Variants in OXNAD1 observed in about 807,000 individuals in gnomAD.
The protein encoded by OXNAD1 is oxidoreductase NAD-binding domain-containing protein 1.
Under a neutral mutation model 32.9 loss-of-function variants are expected in OXNAD1, and 34 were observed. That is an observed-to-expected ratio of 1.03 (90% confidence interval 0.79 to 1.38). The LOEUF (loss-of-function observed/expected upper bound fraction) is 1.38. Ranked by LOEUF, OXNAD1 falls within the 40% of genes most tolerant of loss-of-function variation. The pLI is 0.00. For synonymous variants in OXNAD1, 134 were observed against 135.2 expected (o/e 0.99, Z 0.06); for missense variants, 407 against 379.4 (o/e 1.07, Z -0.60).
At position 16,289,175 on chromosome 3, in the gene OXNAD1, G is replaced by C. The variant is rs2066267159; in HGVS notation, c.290+2727G>C. ...TTTTAGCTTTTGTTATTGCTAATAAGTATTTCATTCAGTTAGATCATATGT... is the reference window on the plus strand; with the variant it reads ...TTTTAGCTTTTGTTATTGCTAATAACTATTTCATTCAGTTAGATCATATGT... On this transcript the variant is annotated intron_variant, in intron 5 of 8. Transcript: ENST00000285083. The surrounding 1 kb of genome is among the most constrained non-coding windows in gnomAD (Gnocchi z 4.9). Among the ~76,000 whole-genome samples the C allele has an allele frequency of 3.3e-5, 5 of 152,216 alleles. No individual in the cohort carries two copies. Among genetic ancestry groups the C allele is most frequent in the Admixed American group, 3.3e-4 (5 of 15,284 alleles).
At chr3:16,292,013 C>T (rs1261093411) in intron 5 of OXNAD1, among the ~76,000 whole-genome samples, 1 of 151,964 alleles carries the variant, frequency 6.6e-6, no homozygotes, top group Non-Finnish European at 1.5e-5. Flanking sequence ...TGCTTATTAG[C>T]CATTTATATG....
rs578247385 is a variant in OXNAD1 at position 16,302,311 on chromosome 3, A to G, written c.676-329A>G. Among the ~76,000 whole-genome samples the G allele has an allele frequency of 2.0e-4, 30 of 152,368 alleles. No individual in the cohort carries two copies. Among genetic ancestry groups the G allele is most frequent in the African/African-American group, 6.0e-4 (25 of 41,584 alleles). The stretch of plus-strand genomic sequence containing the variant: ...TGGGGATTGCTTTGCAGCTGCAGGA[A>G]TGAACAAAAGAACAGAAACAGTTAA... On this transcript the variant is annotated intron_variant, in intron 7 of 8. Transcript: ENST00000285083. This position sits in a 1 kb window ranked among gnomAD's most constrained non-coding sequence, Gnocchi z 4.2.
intron 5 of OXNAD1, among the ~76,000 whole-genome samples, chr3:16,286,938 G>A (rs551349006): frequency 1.3e-5 from 2 of 152,170 alleles, no homozygotes; most frequent in African/African-American, 4.8e-5. Flanking sequence ...GACTGAATTT[G>A]TCTATCATAT....
rs2067318821 is a variant in OXNAD1, at chr3:16,303,356, G to A, written c.785-52G>A. ...AATTGTGGTTAGTCCTTCCTCATTT[G>A]CTGATACAACCATGTCTGGCTTAAT... On this transcript the variant is annotated intron_variant, in intron 8 of 8. Coordinates refer to ENST00000285083, the MANE Select transcript of OXNAD1 (RefSeq NM_138381.5). The surrounding 1 kb of genome is among the most constrained non-coding windows in gnomAD (Gnocchi z 4.8). 6.3e-7 allele frequency: 1 copy of A among 1,591,034 alleles called. No individual in the cohort carries two copies. Among genetic ancestry groups the A allele is most frequent in the East Asian group, 2.2e-5 (1 of 44,686 alleles).
rs895687201 is a variant in OXNAD1 at position 16,312,737 on chromosome 3, A to G, written c.*30+9145A>G. 6.6e-6 allele frequency among the ~76,000 whole-genome samples: 1 copy of G among 152,224 alleles called. No homozygotes were observed. The highest frequency in any genetic ancestry group is 1.5e-5 in the Non-Finnish European group (1 of 68,040). ...GGGCCATGATGAATATGTTTAGAGT[A>G]CTGATAAAATGTGCTTCATAAGAAA... is the stretch of plus-strand genomic sequence containing the variant. On this transcript the variant is annotated intron_variant, in intron 9 of 9. Transcript: ENST00000435829. The surrounding 1 kb of genome is among the most constrained non-coding windows in gnomAD (Gnocchi z 4.7).
At chr3:16,292,782 C>T (rs1219155823) in intron 5 of OXNAD1, among the ~76,000 whole-genome samples, 1 of 152,178 alleles carries the variant, frequency 6.6e-6, no homozygotes, top group African/African-American at 2.4e-5. Context: ...GTAGACTGTT[C>T]TTTTGCCATT....
At chr3:16,332,585 C>G (rs532831868) in intron 9 of OXNAD1, among the ~76,000 whole-genome samples, 1 of 152,232 alleles carries the variant, frequency 6.6e-6, no homozygotes, top group Admixed American at 6.5e-5. Context: ...AAACCAGTAC[C>G]CTGGTTTTCT....
chr3:16,311,219 AGTCTTGCTCT>A (rs1211471420), intron 9 of OXNAD1, among the ~76,000 whole-genome samples: 1 of 145,886 alleles, frequency 6.9e-6, no homozygotes, highest in Non-Finnish European at 1.5e-5. Context: ...TTTCAAACGG[AGTCTTGCTCT>A]GTCACCTAGG....
At position 16,303,344 on chromosome 3, in the gene OXNAD1, C is replaced by G. The variant is rs2067317581; in HGVS notation, c.785-64C>G. 1.9e-6 allele frequency: 3 copies of G among 1,559,218 alleles called. No homozygotes were observed. The highest frequency in any genetic ancestry group is 2.6e-6 in the Non-Finnish European group (3 of 1,137,954). ...ACACTGTATCTGAATTGTGGTTAGTCCTTCCTCATTTGCTGATACAACCAT... is the reference window on the plus strand; with the variant it reads ...ACACTGTATCTGAATTGTGGTTAGTGCTTCCTCATTTGCTGATACAACCAT... On this transcript the variant is annotated intron_variant, in intron 8 of 8. Coordinates refer to ENST00000285083, the MANE Select transcript of OXNAD1 (RefSeq NM_138381.5). The surrounding 1 kb of genome is among the most constrained non-coding windows in gnomAD (Gnocchi z 4.8).
chr3:16,311,450 A>G (rs1393213776), intron 9 of OXNAD1, among the ~76,000 whole-genome samples: 7 of 152,170 alleles, frequency 4.6e-5, no homozygotes, highest in Non-Finnish European at 8.8e-5. Flanking sequence ...TAAGAAAGGT[A>G]TAAAGACTTC....
intron 5 of OXNAD1, among the ~76,000 whole-genome samples, chr3:16,294,056 C>T (rs2066599964): frequency 6.6e-6 from 1 of 152,166 alleles, no homozygotes; most frequent in African/African-American, 2.4e-5. Context: ...ATGTCTTTGT[C>T]TGGCTTTGGT....
chr3:16,337,740 C>CAA (rs5846920), downstream of OXNAD1, among the ~76,000 whole-genome samples: 31 of 95,158 alleles, frequency 3.3e-4, no homozygotes, highest in East Asian at 1.0e-3. This position sits in a 1 kb window ranked among gnomAD's most constrained non-coding sequence, Gnocchi z 5.0. Context: ...GACTCCATCT[C>CAA]AAAAAAAAAA....
chr3:16,350,235 CTTTG>C (rs1324799023), exon 10 of OXNAD1: 1 of 152,106 alleles, frequency 6.6e-6, no homozygotes, highest in Non-Finnish European at 1.5e-5. Flanking sequence ...ATATATTATC[CTTTG>C]TTTAACCATT....
At position 16,265,890 on chromosome 3, in the gene OXNAD1, A is replaced by G; in HGVS notation, c.-159+385A>G. 1 of 985,372 alleles carries G rather than the reference A, an allele frequency of 1.0e-6. No homozygotes were observed. The allele number at this position is 985,372 out of a possible 1,614,324, so 61.0% of individuals were successfully genotyped here. ...TACCAGTTTTTTCGTTGTGAAAGAAATGGTGTCAGTAGGCAGGTTTATCAG... is the reference window on the plus strand; with the variant it reads ...TACCAGTTTTTTCGTTGTGAAAGAAGTGGTGTCAGTAGGCAGGTTTATCAG... On this transcript the variant is annotated intron_variant, in intron 1 of 8. Transcript: ENST00000285083. The surrounding 1 kb of genome is among the most constrained non-coding windows in gnomAD (Gnocchi z 4.8).
chr3:16,317,973 A>G lies in OXNAD1; in HGVS notation c.*30+14381A>G, dbSNP rs1476503027. Among the ~76,000 whole-genome samples the G allele has an allele frequency of 6.6e-6, 1 of 152,188 alleles. No homozygotes were observed. The highest frequency in any genetic ancestry group is 1.5e-5 in the Non-Finnish European group (1 of 68,030). On this transcript the variant is annotated intron_variant, in intron 9 of 9. Transcript: ENST00000435829. This position sits in a 1 kb window ranked among gnomAD's most constrained non-coding sequence, Gnocchi z 4.3. ...TCTCCCTCTGCCCGCTACTGTACCG[A>G]CAAGTGTTCTAAGGTAACTCCCTCT... is the stretch of plus-strand genomic sequence containing the variant.
At position 16,345,597 on chromosome 3, in the gene OXNAD1, G is replaced by A. The variant is rs184638996; in HGVS notation, c.*31-3579G>A. ...ACCGCCTGACTGCTTGAACAGGAAC[G>A]TCCATCTTCTGCCCTTGTTGCTCCT... On this transcript the variant is annotated intron_variant, in intron 9 of 9. Coordinates refer to the OXNAD1 transcript ENST00000606098. The surrounding 1 kb of genome is among the most constrained non-coding windows in gnomAD (Gnocchi z 5.2). 1.1e-3 allele frequency among the ~76,000 whole-genome samples: 168 copies of A among 152,140 alleles called. No homozygotes were observed. Among genetic ancestry groups the A allele is most frequent in the African/African-American group, 3.9e-3 (160 of 41,508 alleles).
Position 16,280,835 on chromosome 3 carries a change from CAT to C in OXNAD1, c.184-5506_184-5505del, listed in dbSNP as rs1290406354. On this transcript the variant is annotated intron_variant, in intron 4 of 8. Coordinates refer to ENST00000285083, the MANE Select transcript of OXNAD1 (RefSeq NM_138381.5). This position sits in a 1 kb window ranked among gnomAD's most constrained non-coding sequence, Gnocchi z 4.5. ...ATGCTGACTCTGCCTCAGCATTAAA[CAT>C]GTGTACTGGTAAAGTTGGCAAATGT... Among the ~76,000 whole-genome samples, 5 of 152,182 alleles carry C rather than the reference CAT, an allele frequency of 3.3e-5. No homozygotes were observed. The highest frequency in any genetic ancestry group is 7.3e-5 in the Non-Finnish European group (5 of 68,032).
At chr3:16,308,298 G>A (rs541927640), downstream of OXNAD1, among the ~76,000 whole-genome samples, 2 of 152,164 alleles carry the variant, frequency 1.3e-5, no homozygotes, top group Non-Finnish European at 2.9e-5. The surrounding 1 kb of genome is among the most constrained non-coding windows in gnomAD (Gnocchi z 4.4). Flanking sequence ...GTGAGTCACT[G>A]GAATGATGGA....
Position 16,298,085 on chromosome 3 carries a change from A to T in OXNAD1, c.432+3088A>T, listed in dbSNP as rs2066924941. 6.6e-6 allele frequency among the ~76,000 whole-genome samples: 1 copy of T among 152,148 alleles called. No homozygotes were observed. Among genetic ancestry groups the T allele is most frequent in the African/African-American group, 2.4e-5 (1 of 41,424 alleles). ...ATAACCCCCAGATGCCTGTGTAGGC[A>T]TTTCCATTGTAAATGTATCCTGTCA... is the stretch of plus-strand genomic sequence containing the variant. On this transcript the variant is annotated intron_variant, in intron 6 of 8. Transcript: ENST00000285083. The surrounding 1 kb of genome is among the most constrained non-coding windows in gnomAD (Gnocchi z 5.1).
Sources: gnomAD v4.1 joint callset for allele counts (sites outside exome capture counted in the v4.1 genomes callset) on GRCh38, gnomAD v4.1.1 for gene constraint, Gnocchi (gnomAD v3.1) non-coding constraint, MANE v1.5 for transcripts, NCBI Gene and HGNC (gene_info 2026-07-23, HGNC 2026-07-21) for gene names.